The following SP6 variants were observed in gnomAD, a reference collection of about 807,000 sequenced individuals.
SP6 encodes the protein Sp6 transcription factor, also known as transcription factor Sp6.
A neutral mutation model predicts 23.4 loss-of-function variants in SP6; 10 were observed. The observed-to-expected ratio is 0.43, with a 90% confidence interval of 0.26 to 0.72. The LOEUF (loss-of-function observed/expected upper bound fraction) is 0.72. SP6 is among the 30% of genes least tolerant of loss of function. SP6 has a pLI of 0.23. For missense variants in SP6, 482 were observed against 523.8 expected (o/e 0.92, Z 0.78); for synonymous variants, 238 against 238.7 (o/e 1.00, Z 0.03).
At chr17:47,862,527 A>G in the SP6 span, among the ~76,000 whole-genome samples, 7 of 148,482 alleles carry the variant, frequency 4.7e-5, no homozygotes, top group East Asian at 9.6e-4. Flanking sequence ...AAAAAAAAAA[A>G]AAGGTAAAGC....
the SP6 span, among the ~76,000 whole-genome samples, chr17:47,874,155 T>C: frequency 2.0e-5 from 3 of 151,832 alleles, no homozygotes; most frequent in Non-Finnish European, 2.9e-5. Context: ...GGAGCAATCA[T>C]AACTCACTGC....
At position 47,847,283 on chromosome 17, in the gene SP6, G is replaced by C; in HGVS notation, c.*16C>G. On this transcript the variant is annotated 3_prime_UTR_variant, in exon 2 of 2. Coordinates refer to ENST00000536300, the MANE Select transcript of SP6 (RefSeq NM_001258248.2). ...GTGCCCCCCGGGATACCCGCAGGGA[G>C]GCGGCACTGAGGAGCTCAGTTGGAG... 6.7e-7 allele frequency: 1 copy of C among 1,499,028 alleles called. No homozygotes were observed. The highest frequency in any genetic ancestry group is 8.9e-7 in the Non-Finnish European group (1 of 1,121,568). The allele number at this position is 1,499,028 out of a possible 1,614,324, so 92.9% of individuals were successfully genotyped here. A position where few individuals can be genotyped will look rare whatever the true frequency, so the allele number is the denominator to read the frequency against.
At chr17:47,873,615 T>C in the SP6 span, among the ~76,000 whole-genome samples, 1 of 152,134 alleles carries the variant, frequency 6.6e-6, no homozygotes, top group Non-Finnish European at 1.5e-5. Context: ...CAAGTGGCTA[T>C]CTCTGGGAAA....
chr17:47,874,733 C>T, the SP6 span, among the ~76,000 whole-genome samples: 4 of 152,056 alleles, frequency 2.6e-5, no homozygotes, highest in Non-Finnish European at 5.9e-5. Context: ...ATTGTGCCCC[C>T]ACCTGCACCC....
chr17:47,847,998 G>C lies in SP6; in HGVS notation c.432C>G (p.His144Gln). 1 of 1,601,516 alleles carries C rather than the reference G, an allele frequency of 6.2e-7. No individual in the cohort carries two copies. The highest frequency in any genetic ancestry group is 1.7e-4 in the Middle Eastern group (1 of 5,974). ...HTQGALTSPG[H>Q]PGALQAGLGG... Reference sequence around the variant, plus strand: ...CCAAGCCCGCCTGAAGCGCCCCCGGGTGGCCAGGTGAGGTCAGCGCGCCCT... The same window carrying C: ...CCAAGCCCGCCTGAAGCGCCCCCGGCTGGCCAGGTGAGGTCAGCGCGCCCT... Residue 144 changes from histidine to glutamine, a missense_variant, in exon 2 of 2, where the codon CAC (histidine) becomes CAG (glutamine). His to Gln is a conservative substitution (Grantham distance 24). Around this residue, in one of 3 missense-constraint regions of SP6, gnomAD observed 330 missense variants for 332.3 expected, o/e 0.99. Coordinates refer to ENST00000536300, the MANE Select transcript of SP6 (RefSeq NM_001258248.2).
the SP6 span, among the ~76,000 whole-genome samples, chr17:47,871,785 ATT>A: frequency 6.6e-6 from 1 of 151,554 alleles, no homozygotes; most frequent in Non-Finnish European, 1.5e-5. Flanking sequence ...TGCCTGACTA[ATT>A]TTTTTGTATT....
chr17:47,873,855 T>TCCTCCTCTTCTTCTTCCTCCTCCC, the SP6 span, among the ~76,000 whole-genome samples: 41 of 131,990 alleles, frequency 3.1e-4, no homozygotes, highest in East Asian at 7.2e-4. Flanking sequence ...TTCCTCCTCC[T>TCCTCCTCTTCTTCTTCCTCCTCCC]CCTCCTCTTC....
At chr17:47,872,696 G>A in the SP6 span, among the ~76,000 whole-genome samples, 1 of 152,216 alleles carries the variant, frequency 6.6e-6, no homozygotes, top group Non-Finnish European at 1.5e-5. Flanking sequence ...TTGAGGACGC[G>A]GAGGGTGGGG....
At chr17:47,871,853 T>C in the SP6 span, among the ~76,000 whole-genome samples, 23 of 152,296 alleles carry the variant, frequency 1.5e-4, no homozygotes, top group African/African-American at 5.5e-4. Flanking sequence ...ACCCCTGAGC[T>C]CAGGCAATCC....
At chr17:47,851,886 T>A (rs1315920960), upstream of SP6, among the ~76,000 whole-genome samples, 1 of 150,542 alleles carries the variant, frequency 6.6e-6, no homozygotes, top group African/African-American at 2.5e-5. Flanking sequence ...GGTCTCTGCT[T>A]CCCCCCTACT....
the SP6 span, among the ~76,000 whole-genome samples, chr17:47,875,131 T>A: frequency 1.3e-5 from 2 of 152,154 alleles, no homozygotes; most frequent in Non-Finnish European, 2.9e-5. Flanking sequence ...CTCCTCCTCC[T>A]CTTCTCCCAG....
chr17:47,857,907 G>T (rs946707702), upstream of SP6, among the ~76,000 whole-genome samples: 1 of 116,166 alleles, frequency 8.6e-6, no homozygotes, highest in Non-Finnish European at 1.8e-5. Context: ...TCCCCTACCC[G>T]CCCCCTGGCC....
chr17:47,876,165 A>T, the SP6 span, among the ~76,000 whole-genome samples: 1 of 152,338 alleles, frequency 6.6e-6, no homozygotes, highest in East Asian at 1.9e-4. Context: ...CCTCTGGTAG[A>T]TTCGAGGTGG....
chr17:47,865,119 AAT>A, the SP6 span: 2 of 152,358 alleles, frequency 1.3e-5, no homozygotes, highest in Admixed American at 1.3e-4. Flanking sequence ...ACTTCAAACG[AAT>A]TCGTTTCGCT....
chr17:47,875,517 C>T, the SP6 span, among the ~76,000 whole-genome samples: 1 of 152,340 alleles, frequency 6.6e-6, no homozygotes, highest in East Asian at 1.9e-4. Flanking sequence ...GCCCTGAGAA[C>T]CCACCACTTC....
At chr17:47,859,386 C>T (rs1426016530), upstream of SP6, among the ~76,000 whole-genome samples, 1 of 152,232 alleles carries the variant, frequency 6.6e-6, no homozygotes, top group Non-Finnish European at 1.5e-5. Flanking sequence ...CTTCTCTTAT[C>T]CGCACATCAC....
At chr17:47,870,187 T>C in the SP6 span, among the ~76,000 whole-genome samples, 1 of 152,154 alleles carries the variant, frequency 6.6e-6, no homozygotes, top group East Asian at 1.9e-4. Context: ...TAAAAACCAA[T>C]GAATGCTTTG....
At position 47,847,997 on chromosome 17, in the gene SP6, G is replaced by T; in HGVS notation, c.433C>A (p.Pro145Thr). 2 of 1,600,892 alleles carry T rather than the reference G, an allele frequency of 1.2e-6. No individual in the cohort carries two copies. The highest frequency in any genetic ancestry group is 1.7e-6 in the Non-Finnish European group (2 of 1,173,846). ...TQGALTSPGH[P>T]GALQAGLGGY... ...CCCAAGCCCGCCTGAAGCGCCCCCG[G>T]GTGGCCAGGTGAGGTCAGCGCGCCC... Residue 145 changes from proline (P) to threonine (T), a missense_variant, in exon 2 of 2, where the codon CCG becomes ACG. Coordinates refer to ENST00000536300, the MANE Select transcript of SP6 (RefSeq NM_001258248.2).
chr17:47,847,505 T>C lies in SP6; in HGVS notation c.925A>G (p.Thr309Ala), dbSNP rs1221892051. 9.9e-6 allele frequency: 16 copies of C among 1,613,720 alleles called. No homozygotes were observed. The highest frequency in any genetic ancestry group is 1.4e-5 in the Non-Finnish European group (16 of 1,179,930). The part of the protein sequence containing the change: ...DELQRHLQTH[T>A]GTKKFPCAVC... ...GCACAGGGGAACTTCTTGGTGCCGG[T>C]GTGGGTCTGGAGGTGGCGCTGCAGC... The change falls in exon 2 of 2, where the codon ACC becomes GCC. Residue 309 changes from threonine (T) to alanine (A), a missense_variant. By Grantham distance (58) the Thr-to-Ala change is moderately conservative. Transcript: ENST00000536300.
Sources: gnomAD v4.1 joint callset for allele counts (sites outside exome capture counted in the v4.1 genomes callset) on GRCh38, gnomAD v4.1.1 for gene constraint, gnomAD v4.1.1 regional missense constraint, MANE v1.5 for transcripts, NCBI Gene and HGNC (gene_info 2026-07-23, HGNC 2026-07-21) for gene names.